SEC16A: variants seen among roughly 807,000 people sequenced by gnomAD.
SEC16A encodes SEC16 homolog A, endoplasmic reticulum export factor.
Under a neutral mutation model 221.9 loss-of-function variants are expected in SEC16A, and 110 were observed. The observed-to-expected ratio is 0.50, with a 90% confidence interval of 0.42 to 0.58. SEC16A has a LOEUF of 0.58. SEC16A is among the 20% of genes least tolerant of loss of function. The probability of loss-of-function intolerance (pLI) is 0.00; values close to 1 mark genes in which losing one functional copy is unlikely to be tolerated. For synonymous variants in SEC16A, 1,393 were observed against 1,257.7 expected (o/e 1.11, Z -2.28); for missense variants, 3,165 against 3,097.8 (o/e 1.02, Z -0.52).
rs1836146302 is a variant in SEC16A, at chr9:136,441,166, TGAACTAATGCCGAAG to T, written c.*574_*588del. 1 of 153,440 alleles carries T rather than the reference TGAACTAATGCCGAAG, an allele frequency of 6.5e-6. No homozygotes were observed. The highest frequency in any genetic ancestry group is 1.5e-5 in the Non-Finnish European group (1 of 68,732). The allele number at this position is 153,440 out of a possible 1,614,324, so 9.5% of individuals were successfully genotyped here. Reference sequence around the variant, plus strand: ...TAACTAAGGCCTCTCTCAAAAACCGTGAACTAATGCCGAAGGAACCCCACGGCTCCTCGGAGGCGC... The same window carrying T: ...TAACTAAGGCCTCTCTCAAAAACCGTGAACCCCACGGCTCCTCGGAGGCGC... On this transcript the variant is annotated 3_prime_UTR_variant, in exon 32 of 32. Transcript: ENST00000684901.
chr9:136,477,219 G>C lies in SEC16A; in HGVS notation c.397C>G (p.Pro133Ala), dbSNP rs1011095072. ...PFSGALTPSA[P>A]PGPEMNRSAE... is the part of the protein sequence containing the mutation. ...CTCCTGTTCATCTCAGGCCCAGGAG[G>C]TGCTGAAGGTGTCAATGCACCAGAA... Residue 133 changes from proline to alanine, a missense_variant, in exon 3 of 32, where the codon CCT becomes GCT. Around this residue, in one of 3 missense-constraint regions of SEC16A, gnomAD observed 2,030 missense variants for 1,923.1 expected, o/e 1.06. Transcript: ENST00000684901. The C allele has an allele frequency of 3.1e-6, 5 of 1,613,802 alleles. No homozygotes were observed. In the Admixed American group the frequency reaches 8.3e-5, roughly 27 times the overall value.
Position 136,474,342 on chromosome 9 carries a change from G to C in SEC16A, c.3274C>G (p.Gln1092Glu). ...SNPESLPAQG[Q>E]AQNSAQSPAS... ...GGTGACTGTGCTGAGTTCTGGGCCTGTCCCTGTGCGGGCAGACTTTCTGGA... is the reference window on the plus strand; with the variant it reads ...GGTGACTGTGCTGAGTTCTGGGCCTCTCCCTGTGCGGGCAGACTTTCTGGA... The change falls in exon 3 of 32, where the codon CAG becomes GAG. Residue 1092 changes from glutamine to glutamate, a missense_variant. Gln to Glu is a conservative substitution (Grantham distance 29). Transcript: ENST00000684901. 6.2e-7 allele frequency: 1 copy of C among 1,612,506 alleles called. No individual in the cohort carries two copies. The highest frequency in any genetic ancestry group is 8.5e-7 in the Non-Finnish European group (1 of 1,179,686).
In SEC16A at chr9:136,459,495, C is replaced by T. The variant is rs1839177599; in HGVS notation, c.5252G>A (p.Gly1751Asp). ...CTTTGTAGTTTTCTTCGTGTAAACA[C>T]CAAATCCCGCCTGGGCCATGAGGTA... Reference protein sequence around the residue: ...FCYLMAQAGFGVYTKKTTKLV... With the variant: ...FCYLMAQAGFDVYTKKTTKLV... Residue 1751 changes from glycine to aspartate, a missense_variant, in exon 16 of 32, where the codon GGT (glycine) becomes GAT (aspartate). This residue lies in a region of SEC16A where 1,088 missense variants were observed against 1,089.6 expected (regional missense o/e 1.00). Coordinates refer to ENST00000684901, the MANE Select transcript of SEC16A (RefSeq NM_014866.2). This position sits in a 1 kb window ranked among gnomAD's most constrained non-coding sequence, Gnocchi z 6.1. 2 of 1,607,972 alleles carry T rather than the reference C, an allele frequency of 1.2e-6. No individual in the cohort carries two copies. Among genetic ancestry groups the T allele is most frequent in the South Asian group, 1.1e-5 (1 of 89,930 alleles).
Position 136,475,324 on chromosome 9 carries a change from C to A in SEC16A, c.2292G>T (p.Ala764=). ...GGTTCCGTGACTGCTGCCCGGACAT[C>A]GCCTCTTCTGGAGGCTGAACAACAG... ...QPPVVQPPEE[A]MSGQQSRNPS... is the part of the protein sequence containing the mutation. Residue 764 remains alanine (A), a synonymous_variant, in exon 3 of 32, where the codon GCG becomes GCT. Coordinates refer to ENST00000684901, the MANE Select transcript of SEC16A (RefSeq NM_014866.2). This position sits in a 1 kb window ranked among gnomAD's most constrained non-coding sequence, Gnocchi z 5.0. 6.2e-7 allele frequency: 1 copy of A among 1,612,698 alleles called. No individual in the cohort carries two copies. Among genetic ancestry groups the A allele is most frequent in the Non-Finnish European group, 8.5e-7 (1 of 1,179,142 alleles).
At chr9:136,473,046 C>A (rs1841096683) in intron 3 of SEC16A, among the ~76,000 whole-genome samples, 1 of 152,270 alleles carries the variant, frequency 6.6e-6, no homozygotes, top group South Asian at 2.1e-4. Context: ...CTGGAACCTA[C>A]ACAGGTCTGA....
Position 136,454,881 on chromosome 9 carries a change from G to A in SEC16A, c.5858-554C>T, listed in dbSNP as rs62579190. 6.2e-3 allele frequency among the ~76,000 whole-genome samples: 947 copies of A among 152,354 alleles called. 6 individuals are homozygous for A. Among genetic ancestry groups the A allele is most frequent in the Admixed American group, 0.01 (155 of 15,308 alleles). ...ACGGTGTCTGAGGACGAAGCAGACT[G>A]GACATCAGGCAGGGAGGGTGGGCAG... On this transcript the variant is annotated intron_variant, in intron 20 of 31. Coordinates refer to ENST00000684901, the MANE Select transcript of SEC16A (RefSeq NM_014866.2).
At chr9:136,480,162 C>T (rs1842141334) in intron 1 of SEC16A, among the ~76,000 whole-genome samples, 1 of 152,194 alleles carries the variant, frequency 6.6e-6, no homozygotes, top group Non-Finnish European at 1.5e-5. Flanking sequence ...AGAGCATCTT[C>T]CTCTGATCTG....
At position 136,441,009 on chromosome 9, in the gene SEC16A, C is replaced by G. The variant is rs543603034; in HGVS notation, c.*746G>C. The G allele has an allele frequency of 1.3e-5, 2 of 152,478 alleles. No homozygotes were observed. The highest frequency in any genetic ancestry group is 4.1e-4 in the South Asian group (2 of 4,822). The allele number at this position is 152,478 out of a possible 1,614,324, so 9.4% of individuals were successfully genotyped here. A position where few individuals can be genotyped will look rare whatever the true frequency, so the allele number is the denominator to read the frequency against. On this transcript the variant is annotated 3_prime_UTR_variant, in exon 32 of 32. Coordinates refer to ENST00000684901, the MANE Select transcript of SEC16A (RefSeq NM_014866.2). ...ACAGCCGGCTCTCTGGGGCTCCTTC[C>G]CAGTGACTGGGCCACACGGTGGGCA...
chr9:136,464,913 C>A (rs1207214666), intron 8 of SEC16A, among the ~76,000 whole-genome samples: 1 of 152,042 alleles, frequency 6.6e-6, no homozygotes, highest in Admixed American at 6.6e-5. Context: ...ATTCAGACTG[C>A]GATGACCACA....
rs755239976 is a variant in SEC16A, at chr9:136,463,130, G to A, written c.4650C>T (p.Thr1550=). The stretch of plus-strand genomic sequence containing the variant: ...GCTCCGCAATGTCGGTCCCTACCAC[G>A]GTCTGTTTGGGTCAACAGGAACAGG... ...FIVLLCRQNG[T]VVGTDIAELL... is the part of the protein sequence containing the mutation. Residue 1550 remains threonine, a splice_region_variant and synonymous_variant, in exon 12 of 32, where the codon ACC becomes ACT. Transcript: ENST00000684901. 1.6e-5 allele frequency: 25 copies of A among 1,608,474 alleles called. No homozygotes were observed. Among genetic ancestry groups the A allele is most frequent in the South Asian group, 8.8e-5 (8 of 91,076 alleles).
intron 1 of SEC16A, among the ~76,000 whole-genome samples, chr9:136,480,978 C>T (rs1022141134): frequency 1.3e-5 from 2 of 152,162 alleles, no homozygotes; most frequent in Admixed American, 1.3e-4. Context: ...AACCTTCATG[C>T]TCCCTAATTG....
At chr9:136,443,527 A>G (rs1836500176) in intron 31 of SEC16A, among the ~76,000 whole-genome samples, 1 of 152,142 alleles carries the variant, frequency 6.6e-6, no homozygotes, top group Non-Finnish European at 1.5e-5. Flanking sequence ...TACAAAACAT[A>G]AAAAATTTGC....
chr9:136,443,650 T>A (rs1836519520), intron 31 of SEC16A, among the ~76,000 whole-genome samples, 173 bp downstream of exon 31: 1 of 152,216 alleles, frequency 6.6e-6, no homozygotes, highest in South Asian at 2.1e-4. Context: ...ATCGCACCAC[T>A]GCACTCCAGC....
chr9:136,476,540 C>G lies in SEC16A; in HGVS notation c.1076G>C (p.Cys359Ser). ...TCCTGAGTCTGCTTCTAGCGGGGCA[C>G]AGCCAGACCCGGCCCCAGCCCCCAG... Reference protein sequence around the residue: ...HPLGAGAGSGCAPLEADSGAS... With the variant: ...HPLGAGAGSGSAPLEADSGAS... The change falls in exon 3 of 32, where the codon TGT becomes TCT. Residue 359 changes from cysteine (C) to serine (S), a missense_variant. By Grantham distance (112) the Cys-to-Ser change is moderately radical. Coordinates refer to ENST00000684901, the MANE Select transcript of SEC16A (RefSeq NM_014866.2). 6.2e-7 allele frequency: 1 copy of G among 1,611,612 alleles called. No homozygotes were observed. Among genetic ancestry groups the G allele is most frequent in the Non-Finnish European group, 8.5e-7 (1 of 1,178,400 alleles).
chr9:136,456,523 G>A (rs1838696232), intron 18 of SEC16A, among the ~76,000 whole-genome samples: 1 of 152,178 alleles, frequency 6.6e-6, no homozygotes, highest in Non-Finnish European at 1.5e-5. Flanking sequence ...GATGCAGAGC[G>A]GGACAGAGGG....
Position 136,476,356 on chromosome 9 carries a change from T to C in SEC16A, c.1260A>G (p.Ala420=), listed in dbSNP as rs1345929166. The C allele has an allele frequency of 1.9e-6, 3 of 1,612,792 alleles. No homozygotes were observed. Among genetic ancestry groups the C allele is most frequent in the East Asian group, 4.5e-5 (2 of 44,886 alleles). Residue 420 remains alanine (A), a synonymous_variant, in exon 3 of 32, where the codon GCA becomes GCG. Transcript: ENST00000684901. ...GGAGAAGGGCCTGGCAGAGGCTGCCTGCCCCCACGTGTGTAGGTGCGGGCG... is the reference window on the plus strand; with the variant it reads ...GGAGAAGGGCCTGGCAGAGGCTGCCCGCCCCCACGTGTGTAGGTGCGGGCG... ...GRPPAPTHVG[A]GSLCQALLPG... is the part of the protein sequence containing the mutation.
At chr9:136,471,076 G>C (rs1840793408) in intron 4 of SEC16A, among the ~76,000 whole-genome samples, 1 of 152,006 alleles carries the variant, frequency 6.6e-6, no homozygotes, top group Non-Finnish European at 1.5e-5. Flanking sequence ...GGGCTACTCA[G>C]CTGAAGCCAC....
At chr9:136,446,778 G>T in intron 28 of SEC16A, 77 bp downstream of exon 28, 2 of 1,442,050 alleles carry the variant, frequency 1.4e-6, no homozygotes, top group Non-Finnish European at 1.9e-6. Flanking sequence ...ACTTGCAGAA[G>T]GCAAGGCCCT....
intron 1 of SEC16A, among the ~76,000 whole-genome samples, chr9:136,481,284 C>T (rs1457569114): frequency 1.3e-5 from 2 of 151,920 alleles, no homozygotes; most frequent in Non-Finnish European, 2.9e-5. Flanking sequence ...TACAGGCGCC[C>T]GCCACCTCGC....
Sources: gnomAD v4.1 joint callset for allele counts (sites outside exome capture counted in the v4.1 genomes callset) on GRCh38, gnomAD v4.1.1 for gene constraint, gnomAD v4.1.1 regional missense constraint, Gnocchi (gnomAD v3.1) non-coding constraint, MANE v1.5 for transcripts, NCBI Gene and HGNC (gene_info 2026-07-23, HGNC 2026-07-21) for gene names.